GPC5: variants seen among roughly 807,000 people sequenced by gnomAD.
GPC5 encodes the protein glypican 5.
Under a neutral mutation model 53.9 loss-of-function variants are expected in GPC5, and 47 were observed. The ratio of observed to expected loss-of-function variants is 0.87; its 90% CI spans 0.69 to 1.11. GPC5 has a LOEUF of 1.11. Among genes scored for constraint, GPC5 ranks in the 50% most tolerant of loss-of-function variants. The pLI is 0.00. For missense variants in GPC5, 748 were observed against 713.1 expected, an observed-to-expected ratio of 1.05 and a Z score of -0.56; for synonymous variants, 286 against 263.3, an observed-to-expected ratio of 1.09 and a Z score of -0.84.
intron 6 of GPC5, among the ~76,000 whole-genome samples, chr13:92,067,220 G>T (rs2041174582): frequency 6.6e-6 from 1 of 152,022 alleles, no homozygotes; most frequent in African/African-American, 2.4e-5. Flanking sequence ...GGCATTTGTT[G>T]AGAGTGAAAT....
At chr13:92,145,478 C>T (rs1330782680) in intron 7 of GPC5, among the ~76,000 whole-genome samples, 2 of 150,828 alleles carry the variant, frequency 1.3e-5, no homozygotes, top group Admixed American at 1.3e-4. Flanking sequence ...TGAATTTCCC[C>T]TTCCAAAAAA....
At chr13:91,681,245 G>T (rs553465268) in intron 2 of GPC5, among the ~76,000 whole-genome samples, 36 of 152,244 alleles carry the variant, frequency 2.4e-4, no homozygotes, top group Non-Finnish European at 4.1e-4. Context: ...GACTTTGAAC[G>T]ATCTGGCCTA....
chr13:92,377,975 C>T (rs2043708383), intron 7 of GPC5, among the ~76,000 whole-genome samples: 1 of 152,172 alleles, frequency 6.6e-6, no homozygotes, highest in Non-Finnish European at 1.5e-5. Flanking sequence ...GAGGTTGAAT[C>T]TCTTCCATGT....
At chr13:91,668,939 G>C (rs561572981) in intron 2 of GPC5, among the ~76,000 whole-genome samples, 2 of 152,172 alleles carry the variant, frequency 1.3e-5, no homozygotes, top group South Asian at 4.1e-4. Context: ...TAGGCATCAG[G>C]GTAAAATAGC....
chr13:92,229,870 G>A (rs1219018787), intron 7 of GPC5, among the ~76,000 whole-genome samples: 1 of 151,900 alleles, frequency 6.6e-6, no homozygotes, highest in Non-Finnish European at 1.5e-5. Flanking sequence ...GGTGCCACTT[G>A]ACACTTTTTA....
chr13:91,497,865 C>T (rs1451217712), intron 2 of GPC5, among the ~76,000 whole-genome samples: 2 of 152,134 alleles, frequency 1.3e-5, no homozygotes, highest in Non-Finnish European at 2.9e-5. Flanking sequence ...TGTTTTGATA[C>T]AGGCATGCAA....
intron 2 of GPC5, among the ~76,000 whole-genome samples, chr13:91,624,870 T>A (rs1176467328): frequency 6.6e-6 from 1 of 151,770 alleles, no homozygotes; most frequent in Non-Finnish European, 1.5e-5. Context: ...ATACTTTATA[T>A]AACCAAATAA....
intron 7 of GPC5, among the ~76,000 whole-genome samples, chr13:92,433,544 C>T (rs923310624): frequency 2.0e-5 from 3 of 152,056 alleles, no homozygotes; most frequent in Non-Finnish European, 2.9e-5. Context: ...TCATGATTCA[C>T]GTAGTATGGA....
chr13:91,568,516 C>A (rs181111478), intron 2 of GPC5, among the ~76,000 whole-genome samples: 31 of 150,860 alleles, frequency 2.1e-4, no homozygotes, highest in Non-Finnish European at 4.6e-4. Flanking sequence ...CTACAAATTC[C>A]TGAGTTGTAC....
At chr13:92,683,659 A>T (rs1372759066) in intron 7 of GPC5, among the ~76,000 whole-genome samples, 1 of 152,188 alleles carries the variant, frequency 6.6e-6, no homozygotes, top group Non-Finnish European at 1.5e-5. Context: ...TTGTTATTCA[A>T]ACTAAAGACC....
intron 3 of GPC5, among the ~76,000 whole-genome samples, chr13:91,699,452 T>A (rs1225959918): frequency 1.3e-5 from 2 of 152,220 alleles, no homozygotes; most frequent in African/African-American, 4.8e-5. Flanking sequence ...CTAAATGCAA[T>A]ACATTCTACA....
At chr13:91,982,206 T>TGTTATAAAG (rs1249610743) in intron 6 of GPC5, among the ~76,000 whole-genome samples, 11 of 152,190 alleles carry the variant, frequency 7.2e-5, no homozygotes, top group Non-Finnish European at 1.6e-4. Context: ...AAGGGACTAC[T>TGTTATAAAG]GACTTCATCC....
intron 2 of GPC5, among the ~76,000 whole-genome samples, chr13:91,613,337 C>T (rs375063910): frequency 3.9e-5 from 6 of 152,260 alleles, no homozygotes; most frequent in Admixed American, 2.6e-4. Context: ...TGCAGGGAAA[C>T]TCCCCTTTAT....
intron 2 of GPC5, among the ~76,000 whole-genome samples, chr13:91,572,241 G>A (rs1437227831): frequency 7.1e-6 from 1 of 140,780 alleles, no homozygotes; most frequent in Admixed American, 6.9e-5. Context: ...GTATATACAT[G>A]TGTATATATA....
intron 6 of GPC5, among the ~76,000 whole-genome samples, chr13:92,109,126 G>T (rs2041535722): frequency 6.8e-6 from 1 of 147,190 alleles, no homozygotes; most frequent in Admixed American, 6.9e-5. Flanking sequence ...GAGTGCAGTG[G>T]CACAATCTCG....
At chr13:91,644,532 C>T (rs151094592) in intron 2 of GPC5, among the ~76,000 whole-genome samples, 95 of 152,214 alleles carry the variant, frequency 6.2e-4, no homozygotes, top group African/African-American at 2.2e-3. Context: ...TGATCTCTGC[C>T]TCAGTTTCTC....
chr13:92,433,855 A>T lies in GPC5; in HGVS notation c.1561+288866A>T, dbSNP rs758692537. ...CACCTACCTCTAGGTCCTAAAGAAG[A>T]TAAGATGTTCCTCCAAAAACAAGCT... On this transcript the variant is annotated intron_variant, in intron 7 of 7. Transcript: ENST00000377067. Among the ~76,000 whole-genome samples, 12 of 152,270 alleles carry T rather than the reference A, an allele frequency of 7.9e-5. No individual in the cohort carries two copies. In the South Asian group the frequency reaches 1.0e-3, roughly 13 times the overall value.
At chr13:91,947,499 G>C (rs112217609) in intron 6 of GPC5, among the ~76,000 whole-genome samples, 3,222 of 152,156 alleles carry the variant, frequency 0.021, 104 homozygotes, top group African/African-American at 0.074. Context: ...TCCTACTCAA[G>C]TATTCTTAAT....
At chr13:91,643,109 A>G (rs889353884) in intron 2 of GPC5, among the ~76,000 whole-genome samples, 4 of 152,110 alleles carry the variant, frequency 2.6e-5, no homozygotes, top group African/African-American at 9.7e-5. Context: ...GGAGGAGACT[A>G]ATGATTAGAA....
Sources: allele counts gnomAD v4.1 joint callset (sites outside exome capture counted in the v4.1 genomes callset), GRCh38; gene constraint gnomAD v4.1.1; transcripts MANE v1.5; gene names NCBI Gene and HGNC (gene_info 2026-07-23, HGNC 2026-07-21).